Variants in HS2ST1 observed in about 807,000 individuals in gnomAD.
HS2ST1 encodes the protein heparan sulfate 2-O-sulfotransferase 1.
A neutral mutation model predicts 42.9 loss-of-function variants in HS2ST1; 18 were observed. The observed-to-expected ratio is 0.42, with a 90% confidence interval of 0.29 to 0.62. The LOEUF (loss-of-function observed/expected upper bound fraction) is 0.62, where lower values mean the gene tolerates loss of function less well. Ranked by LOEUF, HS2ST1 falls within the 20% of genes least tolerant of loss-of-function variation. The pLI is 0.21. For synonymous variants in HS2ST1, 146 were observed against 152.9 expected (o/e 0.95, Z 0.33); for missense variants, 334 against 433.8 (o/e 0.77, Z 2.04).
At chr1:87,022,588 A>G (rs1649980509) in intron 1 of HS2ST1, among the ~76,000 whole-genome samples, 1 of 152,152 alleles carries the variant, frequency 6.6e-6, no homozygotes. Flanking sequence ...CTTTACCTTG[A>G]AAAAGACCTG....
intron 1 of HS2ST1, among the ~76,000 whole-genome samples, chr1:86,927,263 C>T (rs1660441271): frequency 6.6e-6 from 1 of 151,980 alleles, no homozygotes; most frequent in South Asian, 2.1e-4. Flanking sequence ...TATAGTTTGC[C>T]CTATGGTGAA....
At chr1:86,962,915 TTTC>T (rs1257319341) in intron 1 of HS2ST1, among the ~76,000 whole-genome samples, 1 of 152,148 alleles carries the variant, frequency 6.6e-6, no homozygotes, top group Non-Finnish European at 1.5e-5. Flanking sequence ...AAATAATTGA[TTTC>T]TTCAATTGAT....
intron 1 of HS2ST1, among the ~76,000 whole-genome samples, chr1:86,922,895 G>A (rs1660329053): frequency 6.6e-6 from 1 of 151,980 alleles, no homozygotes. Flanking sequence ...AAACATTTTT[G>A]GCTATTATTT....
chr1:86,997,571 G>A (rs1204179475), intron 1 of HS2ST1, among the ~76,000 whole-genome samples: 3 of 152,206 alleles, frequency 2.0e-5, no homozygotes, highest in Non-Finnish European at 2.9e-5. Flanking sequence ...ATATGGAGGA[G>A]TAAGGCTGTG....
At chr1:86,965,873 A>G (rs1648032216) in intron 1 of HS2ST1, among the ~76,000 whole-genome samples, 1 of 152,240 alleles carries the variant, frequency 6.6e-6, no homozygotes, top group African/African-American at 2.4e-5. Context: ...AATAAGCAAT[A>G]GGATCTAAGG....
intron 1 of HS2ST1, among the ~76,000 whole-genome samples, chr1:87,053,390 T>A (rs189093807): frequency 5.3e-4 from 81 of 152,322 alleles, no homozygotes; most frequent in African/African-American, 1.9e-3. Context: ...TTCCTACCAG[T>A]TTAATATCAA....
chr1:87,063,366 T>C (rs1481812466), intron 1 of HS2ST1, among the ~76,000 whole-genome samples: 1 of 152,216 alleles, frequency 6.6e-6, no homozygotes, highest in East Asian at 1.9e-4. Flanking sequence ...AGACAAAGTC[T>C]CGCTCTGTTG....
chr1:86,982,144 G>A (rs1648613843), intron 1 of HS2ST1, among the ~76,000 whole-genome samples: 1 of 152,224 alleles, frequency 6.6e-6, no homozygotes, highest in Admixed American at 6.5e-5. Context: ...AGCCACAGCT[G>A]GAGCTGGAGC....
chr1:86,983,967 G>T (rs1230939746), intron 1 of HS2ST1, among the ~76,000 whole-genome samples: 1 of 151,600 alleles, frequency 6.6e-6, no homozygotes, highest in Non-Finnish European at 1.5e-5. Context: ...TTGAACCCAG[G>T]AGGCAAAGGT....
At chr1:87,030,538 G>A (rs6576861) in intron 1 of HS2ST1, among the ~76,000 whole-genome samples, 111,164 of 151,372 alleles carry the variant, frequency 0.73, 42,318 homozygotes, top group East Asian at 0.97. Flanking sequence ...ACGCACACAC[G>A]CACACACACA....
chr1:86,991,153 T>C (rs1464837381), intron 1 of HS2ST1, among the ~76,000 whole-genome samples: 3 of 151,886 alleles, frequency 2.0e-5, no homozygotes, highest in Non-Finnish European at 4.4e-5. Context: ...GGTATTTCTC[T>C]TGGTCACTGG....
intron 2 of HS2ST1, among the ~76,000 whole-genome samples, chr1:87,082,437 G>GCATC (rs1487193080): frequency 6.6e-6 from 1 of 152,132 alleles, no homozygotes; most frequent in African/African-American, 2.4e-5. Context: ...CCTCAATGTA[G>GCATC]CATCTTTCAT....
At chr1:87,079,797 CTGGGAGGCTGAGG>C (rs1169901713) in intron 2 of HS2ST1, among the ~76,000 whole-genome samples, 2 of 150,674 alleles carry the variant, frequency 1.3e-5, no homozygotes, top group Non-Finnish European at 2.9e-5. Context: ...CTTTGGGATT[CTGGGAGGCTGAGG>C]TGGGAGGATC....
In HS2ST1 at chr1:87,092,588, G is replaced by A. The variant is rs746561514; in HGVS notation, c.507G>A (p.Arg169=). The A allele has an allele frequency of 1.1e-5, 17 of 1,589,106 alleles. No homozygotes were observed. In the South Asian group the frequency reaches 1.9e-4, roughly 18 times the overall value. The change falls in exon 4 of 7, where the codon AGG becomes AGA. Residue 169 remains arginine (R), a synonymous_variant. Coordinates refer to ENST00000370550, the MANE Select transcript of HS2ST1 (RefSeq NM_012262.4). ...ATGTCATAAGGGATCCTATTGAGAG[G>A]CTAGTTTCTTATTATTACTTTCTGA... ...YINVIRDPIE[R]LVSYYYFLRF...
At chr1:87,008,324 A>T (rs1439590256) in intron 1 of HS2ST1, among the ~76,000 whole-genome samples, 3 of 152,208 alleles carry the variant, frequency 2.0e-5, no homozygotes, top group Non-Finnish European at 4.4e-5. Context: ...GGGCAAAATA[A>T]TGTATAACAT....
intron 1 of HS2ST1, among the ~76,000 whole-genome samples, chr1:87,052,896 G>A (rs1250128411): frequency 6.6e-6 from 1 of 152,070 alleles, no homozygotes; most frequent in Non-Finnish European, 1.5e-5. Flanking sequence ...AGTGTTCCTG[G>A]ACCATCATAT....
chr1:86,986,630 A>G (rs1648793867), intron 1 of HS2ST1, among the ~76,000 whole-genome samples: 2 of 152,230 alleles, frequency 1.3e-5, no homozygotes, highest in South Asian at 4.1e-4. Context: ...AGAGGGACCC[A>G]AAAGTGCTAT....
intron 1 of HS2ST1, among the ~76,000 whole-genome samples, chr1:86,998,448 A>G (rs1444126788): frequency 2.6e-5 from 4 of 152,230 alleles, no homozygotes; most frequent in African/African-American, 9.6e-5. Flanking sequence ...CAGGCAGTAA[A>G]TAAAGCAATA....
chr1:87,058,452 GT>G (rs201520079), intron 1 of HS2ST1, among the ~76,000 whole-genome samples: 1 of 149,462 alleles, frequency 6.7e-6, no homozygotes, highest in East Asian at 2.0e-4. Context: ...GTTTTGTTTT[GT>G]TTTTTTTTAA....
Sources: gnomAD v4.1 joint callset for allele counts (sites outside exome capture counted in the v4.1 genomes callset) on GRCh38, gnomAD v4.1.1 for gene constraint, MANE v1.5 for transcripts, NCBI Gene and HGNC (gene_info 2026-07-23, HGNC 2026-07-21) for gene names.